HECW1: variants seen among roughly 807,000 people sequenced by gnomAD.
HECW1 encodes the protein HECT, C2 and WW domain containing E3 ubiquitin protein ligase 1.
A neutral mutation model predicts 182.3 loss-of-function variants in HECW1; 61 were observed. That is an observed-to-expected ratio of 0.33 (90% CI 0.27 to 0.41). The LOEUF (loss-of-function observed/expected upper bound fraction) is 0.41. HECW1 is among the 10% of genes least tolerant of loss of function. The pLI, the probability that HECW1 is intolerant of heterozygous loss-of-function variation, is 1.00. For synonymous variants in HECW1, 859 were observed against 832.6 expected, an observed-to-expected ratio of 1.03 and a Z score of -0.55; for missense variants, 1,739 against 2,108.9, an observed-to-expected ratio of 0.82 and a Z score of 3.44.
intron 6 of HECW1, among the ~76,000 whole-genome samples, chr7:43,386,966 T>C (rs954276245): frequency 6.6e-6 from 1 of 152,022 alleles, no homozygotes; most frequent in Non-Finnish European, 1.5e-5. Context: ...TCCAGATGAG[T>C]GTGGCATGCC....
intron 3 of HECW1, among the ~76,000 whole-genome samples, chr7:43,286,380 T>A (rs1804639518): frequency 6.6e-6 from 1 of 152,164 alleles, no homozygotes; most frequent in South Asian, 2.1e-4. Context: ...TGAGGCTAGC[T>A]TGGGTCCTCA....
chr7:43,210,380 T>G (rs1795896793), intron 2 of HECW1, among the ~76,000 whole-genome samples: 1 of 151,984 alleles, frequency 6.6e-6, no homozygotes, highest in Non-Finnish European at 1.5e-5. Context: ...GGGGCTCAGG[T>G]CATCCTGAGA....
At chr7:43,515,067 A>G (rs1010870652) in intron 24 of HECW1, among the ~76,000 whole-genome samples, 1 of 152,210 alleles carries the variant, frequency 6.6e-6, no homozygotes, top group African/African-American at 2.4e-5. Flanking sequence ...TTGTATTGTA[A>G]TAATGAGGTA....
chr7:43,179,741 A>C (rs1583841938), intron 2 of HECW1, among the ~76,000 whole-genome samples: 1 of 152,220 alleles, frequency 6.6e-6, no homozygotes, highest in Non-Finnish European at 1.5e-5. Flanking sequence ...ATTTATACCT[A>C]TGGAAAGTTA....
chr7:43,313,098 G>A (rs1207168503), intron 4 of HECW1, among the ~76,000 whole-genome samples: 3 of 152,182 alleles, frequency 2.0e-5, no homozygotes, highest in African/African-American at 7.2e-5. Flanking sequence ...AGTTCTCAGG[G>A]AAATATTCTT....
intron 2 of HECW1, among the ~76,000 whole-genome samples, chr7:43,205,290 G>A (rs1056834680): frequency 6.6e-6 from 1 of 152,032 alleles, no homozygotes; most frequent in Non-Finnish European, 1.5e-5. Context: ...TCACTATGTT[G>A]GCCAGGCTGG....
chr7:43,265,005 A>C (rs1407943825), intron 3 of HECW1, among the ~76,000 whole-genome samples: 1 of 152,170 alleles, frequency 6.6e-6, no homozygotes, highest in East Asian at 1.9e-4. Context: ...TATGGATGCA[A>C]AAGTATATTT....
At chr7:43,450,135 A>C (rs1035959449) in intron 11 of HECW1, among the ~76,000 whole-genome samples, 2 of 151,114 alleles carry the variant, frequency 1.3e-5, no homozygotes, top group Non-Finnish European at 2.9e-5. Flanking sequence ...CTTTTTATCT[A>C]CTTCCTTTGT....
At chr7:43,511,165 G>T (rs1189424720) in intron 24 of HECW1, 1 of 152,262 alleles carries the variant, frequency 6.6e-6, no homozygotes, top group Non-Finnish European at 1.5e-5. Context: ...TCGAAATGCA[G>T]GTTAACCGCT....
intron 5 of HECW1, among the ~76,000 whole-genome samples, chr7:43,334,182 C>T (rs573920255): frequency 6.6e-6 from 1 of 152,302 alleles, no homozygotes; most frequent in East Asian, 1.9e-4. Flanking sequence ...TTCCTGAGTA[C>T]TTTCGCAGCT....
chr7:43,555,154 C>T (rs945030010), intron 29 of HECW1, among the ~76,000 whole-genome samples: 4 of 152,192 alleles, frequency 2.6e-5, no homozygotes, highest in Admixed American at 2.6e-4. Context: ...TCTCGAGCAT[C>T]GTTATCTGTA....
intron 17 of HECW1, among the ~76,000 whole-genome samples, chr7:43,490,406 G>GT (rs2078884642): frequency 6.6e-6 from 1 of 152,162 alleles, no homozygotes; most frequent in African/African-American, 2.4e-5. Context: ...ATTAAACTCT[G>GT]TAAGTTTACT....
intron 3 of HECW1, among the ~76,000 whole-genome samples, chr7:43,303,399 C>T (rs1406921878): frequency 2.0e-5 from 3 of 148,922 alleles, no homozygotes; most frequent in African/African-American, 7.4e-5. Context: ...GATGTTCAAC[C>T]TTACACTTAT....
intron 16 of HECW1, 34 bp from the exon 17 acceptor site, chr7:43,479,576 C>G (rs1437712767): frequency 6.8e-6 from 11 of 1,613,208 alleles, no homozygotes; most frequent in Non-Finnish European, 9.3e-6. Flanking sequence ...ATTCTCACAC[C>G]ACACGGTGCT....
intron 3 of HECW1, among the ~76,000 whole-genome samples, chr7:43,252,988 G>T (rs748958641): frequency 3.3e-5 from 5 of 152,182 alleles, no homozygotes; most frequent in Admixed American, 2.6e-4. Context: ...TTCCAGCTGC[G>T]TAACCTTGGA....
At chr7:43,168,873 T>C (rs993997425) in intron 2 of HECW1, among the ~76,000 whole-genome samples, 1 of 152,124 alleles carries the variant, frequency 6.6e-6, no homozygotes, top group African/African-American at 2.4e-5. Context: ...TCCAACCAGA[T>C]TGGTGAAATA....
chr7:43,260,369 C>A (rs2152732561), intron 3 of HECW1, among the ~76,000 whole-genome samples: 1 of 152,180 alleles, frequency 6.6e-6, no homozygotes, highest in African/African-American at 2.4e-5. Context: ...AAAGAAAACA[C>A]TTCACGTGGA....
intron 5 of HECW1, among the ~76,000 whole-genome samples, chr7:43,359,095 G>A (rs1329711402): frequency 6.6e-6 from 1 of 152,028 alleles, no homozygotes; most frequent in Non-Finnish European, 1.5e-5. Context: ...CAAAGTGTTG[G>A]GATTACAGGC....
chr7:43,417,811 C>T (rs1021389373), intron 8 of HECW1, among the ~76,000 whole-genome samples: 1 of 152,180 alleles, frequency 6.6e-6, no homozygotes, highest in African/African-American at 2.4e-5. Context: ...TCAGTTTTCT[C>T]TGTCAGATTC....
Sources: gnomAD v4.1 joint callset for allele counts (sites outside exome capture counted in the v4.1 genomes callset) on GRCh38, gnomAD v4.1.1 for gene constraint, MANE v1.5 for transcripts, NCBI Gene and HGNC (gene_info 2026-07-23, HGNC 2026-07-21) for gene names.